Variants in HIVEP1 observed in about 807,000 individuals in gnomAD.
The protein encoded by HIVEP1 is HIVEP zinc finger 1.
HIVEP1 carries 36 observed loss-of-function variants against 180.0 expected under a neutral mutation model. The ratio of observed to expected loss-of-function variants is 0.20; its 90% CI spans 0.15 to 0.26. The LOEUF (loss-of-function observed/expected upper bound fraction) is 0.26. Ranked by LOEUF, HIVEP1 falls within the 10% of genes least tolerant of loss-of-function variation. The probability of loss-of-function intolerance (pLI) is 1.00; values close to 1 mark genes in which losing one functional copy is unlikely to be tolerated. For synonymous variants in HIVEP1, 1,239 were observed against 1,239.0 expected, an observed-to-expected ratio of 1.00 and a Z score of 0.00; for missense variants, 3,143 against 3,268.7, an observed-to-expected ratio of 0.96 and a Z score of 0.94.
At chr6:12,141,039 A>G (rs910914239) in intron 7 of HIVEP1, among the ~76,000 whole-genome samples, 7 of 152,204 alleles carry the variant, frequency 4.6e-5, no homozygotes, top group Non-Finnish European at 7.3e-5. Context: ...ATACTCCTTG[A>G]GAAGAGCAAC....
intron 2 of HIVEP1, among the ~76,000 whole-genome samples, chr6:12,075,961 G>A (rs942713855): frequency 6.6e-5 from 10 of 152,074 alleles, no homozygotes; most frequent in Non-Finnish European, 2.9e-5. Context: ...TAAACATTTC[G>A]TTAGAATGAG....
At chr6:12,150,197 C>A (rs1032683444) in intron 7 of HIVEP1, among the ~76,000 whole-genome samples, 7 of 152,278 alleles carry the variant, frequency 4.6e-5, no homozygotes, top group Non-Finnish European at 1.5e-5. Flanking sequence ...CATGATATAG[C>A]CTCGGGAATT....
At chr6:12,185,514 T>A in the HIVEP1 span, among the ~76,000 whole-genome samples, 1 of 152,212 alleles carries the variant, frequency 6.6e-6, no homozygotes, top group Non-Finnish European at 1.5e-5. Context: ...CGTTCTGACC[T>A]GGCAGAGTGG....
the HIVEP1 span, among the ~76,000 whole-genome samples, chr6:12,179,532 G>C: frequency 6.6e-6 from 1 of 152,166 alleles, no homozygotes; most frequent in African/African-American, 2.4e-5. Flanking sequence ...ATATGAGCCA[G>C]TGGTCACCAC....
At chr6:12,192,533 G>C in the HIVEP1 span, among the ~76,000 whole-genome samples, 80 of 152,264 alleles carry the variant, frequency 5.3e-4, no homozygotes, top group East Asian at 0.014. Context: ...ATTGGATCGT[G>C]GGGGCAGATT....
chr6:12,064,864 G>A (rs1392887167), intron 2 of HIVEP1, among the ~76,000 whole-genome samples: 1 of 152,160 alleles, frequency 6.6e-6, no homozygotes, highest in Non-Finnish European at 1.5e-5. Flanking sequence ...TTCCCAGTGG[G>A]CCTTCATGAA....
chr6:12,040,880 G>A (rs1316845669), intron 2 of HIVEP1, among the ~76,000 whole-genome samples: 1 of 151,610 alleles, frequency 6.6e-6, no homozygotes, highest in African/African-American at 2.4e-5. Flanking sequence ...GTGAAGAGTG[G>A]TGGGGGGGAC....
upstream of HIVEP1, among the ~76,000 whole-genome samples, chr6:12,010,587 C>T (rs749446): frequency 6.6e-6 from 1 of 151,730 alleles, no homozygotes; most frequent in East Asian, 1.9e-4. Flanking sequence ...AAAGGGGAAA[C>T]CAGTTTAGTT....
upstream of HIVEP1, among the ~76,000 whole-genome samples, chr6:12,009,984 T>A (rs1561846901): frequency 6.6e-6 from 1 of 152,362 alleles, no homozygotes; most frequent in East Asian, 1.9e-4. Context: ...CAGTTAGCAT[T>A]TTTCACTTCC....
chr6:12,083,959 A>T (rs1185241015), intron 2 of HIVEP1, among the ~76,000 whole-genome samples: 5 of 152,120 alleles, frequency 3.3e-5, no homozygotes, highest in Non-Finnish European at 1.5e-5. Context: ...TGGGTTTGGT[A>T]TCTGAGGCAT....
downstream of HIVEP1, among the ~76,000 whole-genome samples, chr6:12,168,109 G>GTGTATATC (rs1562024499): frequency 2.7e-4 from 2 of 7,458 alleles, no homozygotes; most frequent in African/African-American, 5.9e-4. Context: ...ACGTATATAT[G>GTGTATATC]TATATTATAT....
chr6:12,105,299 G>A (rs1195138355), intron 3 of HIVEP1, among the ~76,000 whole-genome samples: 1 of 152,162 alleles, frequency 6.6e-6, no homozygotes, highest in Non-Finnish European at 1.5e-5. Flanking sequence ...CTCCATGCAT[G>A]GCATGCCCTG....
chr6:12,180,891 C>T, the HIVEP1 span, among the ~76,000 whole-genome samples: 23 of 152,268 alleles, frequency 1.5e-4, no homozygotes, highest in African/African-American at 5.5e-4. Context: ...TCTTCAAGTA[C>T]AGGTGTAAAC....
intron 2 of HIVEP1, among the ~76,000 whole-genome samples, chr6:12,079,191 C>CTAA (rs1772601601): frequency 1.3e-5 from 2 of 152,202 alleles, no homozygotes; most frequent in East Asian, 1.9e-4. Context: ...TATTAGAAAA[C>CTAA]TATATTATTA....
At chr6:12,200,674 A>G in the HIVEP1 span, among the ~76,000 whole-genome samples, 1 of 152,274 alleles carries the variant, frequency 6.6e-6, no homozygotes, top group Non-Finnish European at 1.5e-5. Context: ...AAAGGGACCC[A>G]GAGATATGCT....
At chr6:12,199,203 TA>T in the HIVEP1 span, among the ~76,000 whole-genome samples, 1 of 152,198 alleles carries the variant, frequency 6.6e-6, no homozygotes, top group Non-Finnish European at 1.5e-5. Flanking sequence ...AAATCATATT[TA>T]ACATCTATTC....
intron 2 of HIVEP1, among the ~76,000 whole-genome samples, chr6:12,062,338 A>G (rs1236360053): frequency 6.6e-6 from 1 of 151,992 alleles, no homozygotes; most frequent in Non-Finnish European, 1.5e-5. Context: ...TTTCTTTTTT[A>G]TTTGGAATAT....
intron 7 of HIVEP1, among the ~76,000 whole-genome samples, chr6:12,152,273 T>A (rs1299101871): frequency 6.6e-6 from 1 of 152,216 alleles, no homozygotes; most frequent in Non-Finnish European, 1.5e-5. Context: ...CAGAGTCATA[T>A]ATGACAAGTG....
At chr6:12,069,191 C>T (rs1771802600) in intron 2 of HIVEP1, among the ~76,000 whole-genome samples, 1 of 152,202 alleles carries the variant, frequency 6.6e-6, no homozygotes, top group African/African-American at 2.4e-5. Flanking sequence ...GCCTATCGCT[C>T]CTAGGTTACA....
Sources: gnomAD v4.1 joint callset for allele counts (sites outside exome capture counted in the v4.1 genomes callset) on GRCh38, gnomAD v4.1.1 for gene constraint, MANE v1.5 for transcripts, NCBI Gene and HGNC (gene_info 2026-07-23, HGNC 2026-07-21) for gene names.